PANK1: variants seen among roughly 807,000 people sequenced by gnomAD.
PANK1 encodes pantothenic acid kinase 1.
In PANK1, 18 loss-of-function variants were observed where a neutral mutation model predicts 40.1. The observed-to-expected ratio is 0.45, with a 90% CI of 0.31 to 0.67. The LOEUF is 0.67. Ranked by LOEUF, PANK1 falls within the 30% of genes least tolerant of loss-of-function variation. The pLI, the probability that PANK1 is intolerant of heterozygous loss-of-function variation, is 0.06. For missense variants in PANK1, 457 were observed against 599.6 expected (o/e 0.76, Z 2.48); for synonymous variants, 242 against 237.7 (o/e 1.02, Z -0.17).
chr10:89,601,472 TTC>T (rs941094146), intron 2 of PANK1, among the ~76,000 whole-genome samples: 5 of 152,016 alleles, frequency 3.3e-5, no homozygotes, highest in African/African-American at 1.2e-4. Context: ...CAGATTGAGA[TTC>T]TGTCTAAACA....
In PANK1 at chr10:89,584,322, G is replaced by T; in HGVS notation, c.*84C>A. 4.7e-6 allele frequency: 4 copies of T among 847,238 alleles called. No homozygotes were observed. Among genetic ancestry groups the T allele is most frequent in the Non-Finnish European group, 6.1e-6 (3 of 491,242 alleles). 52.5% of individuals were successfully genotyped at this position (847,238 alleles called of 1,614,324 possible). ...CATCTGCCATAATGGCTTGGCTTCC[G>T]TCCCAAAGCGACTTTCACCTTCTCC... On this transcript the variant is annotated 3_prime_UTR_variant, in exon 7 of 7. Transcript: ENST00000307534.
intron 1 of PANK1, among the ~76,000 whole-genome samples, chr10:89,637,531 C>T (rs961400884): frequency 2.0e-5 from 3 of 152,080 alleles, no homozygotes; most frequent in Admixed American, 6.5e-5. Flanking sequence ...TCTAAACATA[C>T]CTAAACATAG....
intron 2 of PANK1, among the ~76,000 whole-genome samples, chr10:89,605,187 G>A (rs1034214263): frequency 2.6e-5 from 4 of 152,196 alleles, no homozygotes; most frequent in Non-Finnish European, 4.4e-5. Flanking sequence ...AATGTTGAGA[G>A]CTGCTGACTA....
At chr10:89,637,060 G>A (rs1049320939) in intron 1 of PANK1, among the ~76,000 whole-genome samples, 4 of 150,942 alleles carry the variant, frequency 2.7e-5, no homozygotes, top group African/African-American at 9.8e-5. Flanking sequence ...GGGTTCCACC[G>A]TGTTAGCCAG....
At chr10:89,619,073 CAT>C (rs972817573) in intron 1 of PANK1, among the ~76,000 whole-genome samples, 10 of 152,150 alleles carry the variant, frequency 6.6e-5, no homozygotes, top group Non-Finnish European at 1.5e-4. Flanking sequence ...CACAGACAAA[CAT>C]GTGGTAGCTG....
At chr10:89,625,068 T>A (rs1845617330) in intron 1 of PANK1, among the ~76,000 whole-genome samples, 1 of 152,148 alleles carries the variant, frequency 6.6e-6, no homozygotes, top group Non-Finnish European at 1.5e-5. Flanking sequence ...TTCTGGCTAA[T>A]TTTTACATTT....
chr10:89,645,087 C>G lies in PANK1; in HGVS notation c.-196G>C, dbSNP rs765130264. On this transcript the variant is annotated 5_prime_UTR_variant, in exon 1 of 7. Coordinates refer to ENST00000307534, the MANE Select transcript of PANK1 (RefSeq NM_148977.3). ...CCCCCACCTCCTCTGCGCCCTGCCCCCCGCGCGCCGGCCCCACGGCGCCGG... is the reference window on the plus strand; with the variant it reads ...CCCCCACCTCCTCTGCGCCCTGCCCGCCGCGCGCCGGCCCCACGGCGCCGG... The G allele has an allele frequency of 6.7e-6, 10 of 1,501,294 alleles. No homozygotes were observed. The highest frequency in any genetic ancestry group is 3.9e-5 in the South Asian group (3 of 76,914). The allele number at this position is 1,501,294 out of a possible 1,614,324, so 93.0% of individuals were successfully genotyped here.
At chr10:89,589,308 C>T (rs1844298950) in intron 5 of PANK1, among the ~76,000 whole-genome samples, 1 of 152,100 alleles carries the variant, frequency 6.6e-6, no homozygotes, top group East Asian at 1.9e-4. Flanking sequence ...CCTGTTTGGC[C>T]AACACATGAG....
chr10:89,631,609 T>A (rs1589814055), intron 1 of PANK1, among the ~76,000 whole-genome samples: 1 of 152,230 alleles, frequency 6.6e-6, no homozygotes, highest in South Asian at 2.1e-4. Flanking sequence ...TCTTAATCTA[T>A]ATTTCCAGAC....
At chr10:89,612,465 C>T (rs79195345) in intron 1 of PANK1, among the ~76,000 whole-genome samples, 6 of 152,298 alleles carry the variant, frequency 3.9e-5, no homozygotes, top group East Asian at 1.9e-4. Flanking sequence ...ACCAAAGAAA[C>T]GGATCTGCTT....
At chr10:89,621,323 T>C (rs895512168) in intron 1 of PANK1, among the ~76,000 whole-genome samples, 1 of 151,984 alleles carries the variant, frequency 6.6e-6, no homozygotes, top group African/African-American at 2.4e-5. Flanking sequence ...AAAAAATCCT[T>C]GTTAAATCCA....
chr10:89,632,312 G>C (rs1238005070), intron 1 of PANK1, among the ~76,000 whole-genome samples: 2 of 152,080 alleles, frequency 1.3e-5, no homozygotes, highest in African/African-American at 4.8e-5. Flanking sequence ...CCTGCTTATG[G>C]AACCAAATAT....
At chr10:89,630,850 A>C (rs901346681) in intron 1 of PANK1, among the ~76,000 whole-genome samples, 1 of 152,184 alleles carries the variant, frequency 6.6e-6, no homozygotes, top group African/African-American at 2.4e-5. Flanking sequence ...AAGATTTTTG[A>C]ATTAAACATT....
At chr10:89,621,277 G>A (rs1845476684) in intron 1 of PANK1, among the ~76,000 whole-genome samples, 2 of 151,104 alleles carry the variant, frequency 1.3e-5, no homozygotes, top group Admixed American at 6.6e-5. Context: ...CTCCAGCCTG[G>A]GCAATAAGAG....
At chr10:89,593,667 G>A (rs550727445) in intron 4 of PANK1, 146 bp downstream of exon 4, 337 of 675,972 alleles carry the variant, frequency 5.0e-4, no homozygotes, top group Non-Finnish European at 7.7e-4. Context: ...GCTTCATCAA[G>A]GGCAGGAGAT....
intron 1 of PANK1, among the ~76,000 whole-genome samples, chr10:89,616,727 C>A (rs1312823479): frequency 6.6e-6 from 1 of 152,130 alleles, no homozygotes; most frequent in African/African-American, 2.4e-5. Context: ...TCGAGACCAG[C>A]CTGGCCATCA....
At chr10:89,611,257 G>A (rs1377295206) in intron 2 of PANK1, among the ~76,000 whole-genome samples, 1 of 152,182 alleles carries the variant, frequency 6.6e-6, no homozygotes, top group Non-Finnish European at 1.5e-5. Context: ...GAGAGCAAAT[G>A]GGTAGATAGA....
At chr10:89,602,456 T>C (rs752160015) in intron 2 of PANK1, among the ~76,000 whole-genome samples, 2 of 152,172 alleles carry the variant, frequency 1.3e-5, no homozygotes, top group Non-Finnish European at 2.9e-5. Flanking sequence ...GTCTTCACCA[T>C]CTGGGAAAAA....
At chr10:89,644,131 C>T (rs1343676893) in intron 1 of PANK1, among the ~76,000 whole-genome samples, 1 of 152,162 alleles carries the variant, frequency 6.6e-6, no homozygotes, top group Non-Finnish European at 1.5e-5. Flanking sequence ...AGACCCGAGA[C>T]GCTGCTGGCT....
Sources: gnomAD v4.1 joint callset for allele counts (sites outside exome capture counted in the v4.1 genomes callset) on GRCh38, gnomAD v4.1.1 for gene constraint, MANE v1.5 for transcripts, NCBI Gene and HGNC (gene_info 2026-07-23, HGNC 2026-07-21) for gene names.